Variants in ZC3H6 observed in about 807,000 individuals in gnomAD.
The protein encoded by ZC3H6 is zinc finger CCCH domain-containing protein 6.
Under a neutral mutation model 107.7 loss-of-function variants are expected in ZC3H6, and 40 were observed. The observed-to-expected ratio is 0.37, with a 90% CI of 0.29 to 0.48. ZC3H6 has a LOEUF of 0.48. ZC3H6 is among the 20% of genes least tolerant of loss of function. The pLI, the probability that ZC3H6 is intolerant of heterozygous loss-of-function variation, is 0.98. For synonymous variants in ZC3H6, 493 were observed against 487.9 expected, an observed-to-expected ratio of 1.01 and a Z score of -0.14; for missense variants, 1,267 against 1,410.4, an observed-to-expected ratio of 0.90 and a Z score of 1.63.
intron 1 of ZC3H6, among the ~76,000 whole-genome samples, chr2:112,286,964 G>A (rs1209743931): frequency 6.6e-6 from 1 of 152,140 alleles, no homozygotes; most frequent in African/African-American, 2.4e-5. Flanking sequence ...AGTTAATCTA[G>A]TAGCAGATAC....
At chr2:112,322,546 C>A in intron 8 of ZC3H6, 103 bp from the exon 9 acceptor site, 2 of 1,298,782 alleles carry the variant, frequency 1.5e-6, no homozygotes, top group Admixed American at 5.8e-5. Flanking sequence ...CAGCCCATTT[C>A]AACTTTAATA....
intron 3 of ZC3H6, among the ~76,000 whole-genome samples, chr2:112,304,276 T>C (rs1296203833): frequency 2.0e-5 from 3 of 152,224 alleles, no homozygotes; most frequent in Non-Finnish European, 2.9e-5. Context: ...TTGAAATCTT[T>C]GAACAAAAGA....
chr2:112,316,962 T>C (rs1676709032), intron 6 of ZC3H6, among the ~76,000 whole-genome samples: 1 of 152,150 alleles, frequency 6.6e-6, no homozygotes, highest in Non-Finnish European at 1.5e-5. Flanking sequence ...CAAGAAATGG[T>C]GAGTGCTGGT....
chr2:112,326,955 T>A (rs561074264), intron 11 of ZC3H6, among the ~76,000 whole-genome samples: 1 of 152,340 alleles, frequency 6.6e-6, no homozygotes, highest in South Asian at 2.1e-4. Flanking sequence ...AAATCTTGGT[T>A]ATTGTGAATA....
chr2:112,285,838 G>A (rs1686596735), intron 1 of ZC3H6, among the ~76,000 whole-genome samples: 1 of 152,068 alleles, frequency 6.6e-6, no homozygotes, highest in African/African-American at 2.4e-5. Context: ...GCATGCGCCT[G>A]TAATCCCAGC....
In ZC3H6 at chr2:112,332,425, A is replaced by G. The variant is rs765246030; in HGVS notation, c.3507A>G (p.Thr1169=). ...PTPDNDPGRE[T]DDKSLKEVFK... ...CAGATAATGATCCCGGTAGAGAAAC[A>G]GATGACAAATCTCTGAAAGAGGTTT... Residue 1169 remains threonine (T), a synonymous_variant, in exon 12 of 12, where the codon ACA becomes ACG. Transcript: ENST00000409871. 32 of 1,611,648 alleles carry G rather than the reference A, an allele frequency of 2.0e-5. No homozygotes were observed. In the South Asian group the frequency reaches 3.1e-4, roughly 16 times the overall value.
chr2:112,278,623 A>G (rs926203439), intron 1 of ZC3H6, among the ~76,000 whole-genome samples: 6 of 152,192 alleles, frequency 3.9e-5, no homozygotes, highest in African/African-American at 1.4e-4. Context: ...CCAGCCAAGG[A>G]TATTCTTTTT....
chr2:112,280,665 C>T (rs973649344), intron 1 of ZC3H6, among the ~76,000 whole-genome samples: 10 of 152,000 alleles, frequency 6.6e-5, no homozygotes, highest in African/African-American at 2.4e-4. Context: ...ATGAAGGCTT[C>T]TGGGAGACAT....
intron 3 of ZC3H6, among the ~76,000 whole-genome samples, chr2:112,308,950 G>C (rs991851769): frequency 6.6e-6 from 1 of 151,950 alleles, no homozygotes; most frequent in Non-Finnish European, 1.5e-5. Context: ...TACTTGGGAG[G>C]CTGAGGCAGG....
chr2:112,288,936 C>G (rs1365519817), intron 1 of ZC3H6, among the ~76,000 whole-genome samples: 3 of 152,156 alleles, frequency 2.0e-5, no homozygotes, highest in Non-Finnish European at 4.4e-5. Flanking sequence ...TTTTGAACCG[C>G]AAACCTTATT....
At chr2:112,288,882 C>T (rs1479402431) in intron 1 of ZC3H6, among the ~76,000 whole-genome samples, 4 of 152,164 alleles carry the variant, frequency 2.6e-5, no homozygotes, top group African/African-American at 9.7e-5. Flanking sequence ...TCACCTACCT[C>T]ACTATATTCC....
At chr2:112,284,329 C>G (rs1686572284) in intron 1 of ZC3H6, among the ~76,000 whole-genome samples, 1 of 152,040 alleles carries the variant, frequency 6.6e-6, no homozygotes, top group Non-Finnish European at 1.5e-5. Context: ...CATATTTTGG[C>G]TGTACATTTA....
chr2:112,323,049 C>T, intron 9 of ZC3H6, 147 bp downstream of exon 9: 1 of 892,038 alleles, frequency 1.1e-6, no homozygotes, highest in East Asian at 2.7e-5. Context: ...TTGCTTCCAC[C>T]TTTGTTTTCG....
Position 112,321,665 on chromosome 2 carries a change from T to G in ZC3H6, c.977-91T>G, listed in dbSNP as rs1407923268. The G allele has an allele frequency of 1.6e-5, 10 of 629,152 alleles. No individual in the cohort carries two copies. The Admixed American group carries it at 1.7e-4, about 10-fold the overall frequency. The allele number at this position is 629,152 out of a possible 1,614,324, so 39.0% of individuals were successfully genotyped here. On this transcript the variant is annotated intron_variant, in intron 7 of 11. Transcript: ENST00000409871. The stretch of plus-strand genomic sequence containing the variant: ...ATGTTACATAGCAGATCTCTAGAAC[T>G]TAACTATCTTGTCTAACAGTTGTAG...
chr2:112,302,673 A>G (rs949246305), intron 2 of ZC3H6, among the ~76,000 whole-genome samples: 10 of 152,138 alleles, frequency 6.6e-5, no homozygotes, highest in African/African-American at 1.2e-4. Flanking sequence ...CTTGATATCA[A>G]TTATCATTGT....
At chr2:112,327,852 C>T (rs942119633) in intron 11 of ZC3H6, among the ~76,000 whole-genome samples, 1 of 151,946 alleles carries the variant, frequency 6.6e-6, no homozygotes, top group Admixed American at 6.6e-5. Flanking sequence ...GTTCTCTGTT[C>T]TGTTCCATTG....
intron 1 of ZC3H6, among the ~76,000 whole-genome samples, chr2:112,290,767 A>G (rs201513313): frequency 4.6e-5 from 7 of 152,228 alleles, no homozygotes; most frequent in African/African-American, 1.4e-4. Context: ...ATGTCAGACA[A>G]TTGTGTACTT....
At position 112,331,095 on chromosome 2, in the gene ZC3H6, C is replaced by G; in HGVS notation, c.2177C>G (p.Thr726Ser). The change falls in exon 12 of 12, where the codon ACT (threonine) becomes AGT (serine). Residue 726 changes from threonine (T) to serine (S), a missense_variant. This residue lies in a region of ZC3H6 where 925 missense variants were observed against 1,025.7 expected (regional missense o/e 0.90). Transcript: ENST00000409871. ...AAAACATTACAGAAACAAACAGAAA[C>G]TTTAAGGAATCAGCAACAACCTTCC... ...ILKTLQKQTE[T>S]LRNQQQPSTE... 1 of 1,610,004 alleles carries G rather than the reference C, an allele frequency of 6.2e-7. No individual in the cohort carries two copies. Among genetic ancestry groups the G allele is most frequent in the Middle Eastern group, 1.7e-4 (1 of 6,058 alleles).
At position 112,307,327 on chromosome 2, in the gene ZC3H6, C is replaced by A. The variant is rs144551797; in HGVS notation, c.337-2558C>A. Among the ~76,000 whole-genome samples the A allele has an allele frequency of 2.9e-4, 44 of 152,138 alleles. No individual in the cohort carries two copies. In the East Asian group the frequency reaches 8.3e-3, roughly 29 times the overall value. ...CTTTTTTCCTCATCTTTTTTCAGGG[C>A]CTCCTTTTCCTTTATTTGTTTCCAG... On this transcript the variant is annotated intron_variant, in intron 3 of 11. Transcript: ENST00000409871.
Sources: gnomAD v4.1 joint callset for allele counts (sites outside exome capture counted in the v4.1 genomes callset) on GRCh38, gnomAD v4.1.1 for gene constraint, gnomAD v4.1.1 regional missense constraint, MANE v1.5 for transcripts, NCBI Gene and HGNC (gene_info 2026-07-23, HGNC 2026-07-21) for gene names.